Variants in CCDC197 observed in about 807,000 individuals in gnomAD.
CCDC197 encodes the protein uncharacterized protein CCDC197.
A neutral mutation model predicts 13.4 loss-of-function variants in CCDC197; 24 were observed. The ratio of observed to expected loss-of-function variants is 1.80; its 90% confidence interval spans 1.30 to 2.53. CCDC197 has a LOEUF of 2.53. CCDC197 is among the 30% of genes most tolerant of loss of function. CCDC197 has a pLI of 0.00. For synonymous variants in CCDC197, 99 were observed against 55.5 expected, an observed-to-expected ratio of 1.78 and a Z score of -3.48; for missense variants, 255 against 148.8, an observed-to-expected ratio of 1.71 and a Z score of -3.71.
chr14:93,995,453 T>G (rs1595348686), upstream of CCDC197, among the ~76,000 whole-genome samples: 3 of 152,306 alleles, frequency 2.0e-5, no homozygotes, highest in African/African-American at 7.2e-5. Flanking sequence ...CAGTTGTCCC[T>G]GAGCCTCCTC....
chr14:94,002,264 C>A (rs1276441032), intron 4 of CCDC197, among the ~76,000 whole-genome samples: 1 of 151,990 alleles, frequency 6.6e-6, no homozygotes, highest in African/African-American at 2.4e-5. Flanking sequence ...CTCTCGCCCC[C>A]TCTCTCTCTT....
chr14:94,010,794 C>T (rs1392835307), downstream of CCDC197, among the ~76,000 whole-genome samples: 1 of 152,172 alleles, frequency 6.6e-6, no homozygotes, highest in African/African-American at 2.4e-5. Flanking sequence ...GGGAGCCTCA[C>T]ACACTCATGC....
In CCDC197 at chr14:93,998,059, C is replaced by A; in HGVS notation, c.-73C>A. 1.3e-6 allele frequency: 1 copy of A among 765,834 alleles called. No homozygotes were observed. Among genetic ancestry groups the A allele is most frequent in the Non-Finnish European group, 2.4e-6 (1 of 410,794 alleles). 47.4% of individuals were successfully genotyped at this position (765,834 alleles called of 1,614,324 possible). The stretch of plus-strand genomic sequence containing the variant: ...GAGGAAGCTGCGGCTGTGACTGTCC[C>A]TTTTCGGTCTGTCTTCATCCTGCCT... On this transcript the variant is annotated 5_prime_UTR_variant, in exon 2 of 7. Transcript: ENST00000636493.
chr14:93,992,165 T>C (rs1342124374), intron 1 of CCDC197, among the ~76,000 whole-genome samples: 2 of 152,146 alleles, frequency 1.3e-5, no homozygotes, highest in Non-Finnish European at 2.9e-5. Context: ...GGCAGGGAAA[T>C]GCGGAGATCT....
At chr14:94,010,579 A>G (rs2180087), downstream of CCDC197, among the ~76,000 whole-genome samples, 13,349 of 152,278 alleles carry the variant, frequency 0.088, 593 homozygotes, top group Middle Eastern at 0.17. Context: ...CCTTCACAGG[A>G]AAGAGGGCAC....
upstream of CCDC197, among the ~76,000 whole-genome samples, chr14:93,993,937 G>A (rs573791210): frequency 1.3e-5 from 2 of 152,260 alleles, no homozygotes; most frequent in East Asian, 3.9e-4. Flanking sequence ...TCTCTGCCTT[G>A]ATCATTTCTT....
chr14:94,003,328 GAC>G lies in CCDC197; in HGVS notation c.481_482del (p.Thr161GlnfsTer5), dbSNP rs760872939. 6 of 589,924 alleles carry G rather than the reference GAC, an allele frequency of 1.0e-5. No individual in the cohort carries two copies. The highest frequency in any genetic ancestry group is 2.0e-5 in the Non-Finnish European group (6 of 298,484). 36.5% of individuals were successfully genotyped at this position (589,924 alleles called of 1,614,324 possible). ...SITYQKDIDF[D>X]THTSSSYNDQ... ...CACTTACCAGAAGGACATTGACTTT[GAC>G]ACACACACCAGCAGCAGCTATAATG... On this transcript the variant is annotated frameshift_variant, in exon 5 of 7. Coordinates refer to ENST00000636493, the MANE Select transcript of CCDC197 (RefSeq NM_001351596.2). LOFTEE classifies it high-confidence loss of function. This position sits in a 1 kb window ranked among gnomAD's most constrained non-coding sequence, Gnocchi z 5.0.
At chr14:94,008,113 AT>A (rs35630600) in intron 6 of CCDC197, among the ~76,000 whole-genome samples, 22,549 of 152,214 alleles carry the variant, frequency 0.15, 2,099 homozygotes, top group African/African-American at 0.27. Flanking sequence ...AAGGGAAGAA[AT>A]TATGTGGTGA....
upstream of CCDC197, among the ~76,000 whole-genome samples, chr14:93,995,525 G>A (rs150954946): frequency 4.6e-3 from 695 of 152,240 alleles, 4 homozygotes; most frequent in Middle Eastern, 0.01. Context: ...CAGCTGTCCC[G>A]ATTCCTTGGG....
chr14:93,991,673 A>G (rs1317692272), intron 1 of CCDC197, among the ~76,000 whole-genome samples: 1 of 152,204 alleles, frequency 6.6e-6, no homozygotes, highest in Non-Finnish European at 1.5e-5. Context: ...GTGCTAAAAT[A>G]GAGCCACACA....
At chr14:93,995,017 T>C (rs1890256807), upstream of CCDC197, among the ~76,000 whole-genome samples, 1 of 152,184 alleles carries the variant, frequency 6.6e-6, no homozygotes, top group African/African-American at 2.4e-5. Flanking sequence ...GGCCTCAGCT[T>C]TGCCCTCTGT....
At chr14:93,994,542 G>A (rs1398543377), upstream of CCDC197, among the ~76,000 whole-genome samples, 1 of 152,166 alleles carries the variant, frequency 6.6e-6, no homozygotes, top group Non-Finnish European at 1.5e-5. Context: ...TGGGAGAAAC[G>A]GCTCCCAAGG....
upstream of CCDC197, among the ~76,000 whole-genome samples, chr14:93,995,867 G>T (rs1329852660): frequency 6.6e-6 from 1 of 152,130 alleles, no homozygotes; most frequent in East Asian, 1.9e-4. Context: ...CTCTGCTGCT[G>T]GCTGATACCC....
intron 4 of CCDC197, 97 bp downstream of exon 4, chr14:94,001,420 G>T: frequency 1.7e-6 from 1 of 579,836 alleles, no homozygotes; most frequent in South Asian, 2.1e-5. Context: ...GGCCTAGAGG[G>T]AGCAGCGGCG....
intron 5 of CCDC197, among the ~76,000 whole-genome samples, chr14:94,004,598 C>A (rs1172019096): frequency 2.0e-5 from 3 of 152,166 alleles, no homozygotes; most frequent in East Asian, 1.9e-4. Context: ...GGTGTGGACC[C>A]CGATGCCTCC....
intron 1 of CCDC197, among the ~76,000 whole-genome samples, chr14:93,989,662 C>T (rs1391914487): frequency 1.3e-5 from 2 of 152,170 alleles, no homozygotes; most frequent in Non-Finnish European, 2.9e-5. Context: ...GTCCCCAGGG[C>T]CCCCAAGATC....
At chr14:94,011,251 T>C (rs1412507819), downstream of CCDC197, among the ~76,000 whole-genome samples, 2 of 152,206 alleles carry the variant, frequency 1.3e-5, no homozygotes, top group Non-Finnish European at 2.9e-5. Context: ...CTGTGGCTTG[T>C]TGACTGTGCC....
At chr14:94,000,538 C>T (rs1340981181) in intron 3 of CCDC197, among the ~76,000 whole-genome samples, 1 of 152,098 alleles carries the variant, frequency 6.6e-6, no homozygotes, top group Non-Finnish European at 1.5e-5. Context: ...GGGAGGGACA[C>T]AAATGTAGGC....
chr14:93,990,494 T>C (rs1454519761), intron 1 of CCDC197, among the ~76,000 whole-genome samples: 3 of 152,052 alleles, frequency 2.0e-5, no homozygotes, highest in East Asian at 1.9e-4. Context: ...CAGCCTGGAG[T>C]GGACTGAGCC....
Sources: gnomAD v4.1 joint callset for allele counts (sites outside exome capture counted in the v4.1 genomes callset) on GRCh38, gnomAD v4.1.1 for gene constraint, Gnocchi (gnomAD v3.1) non-coding constraint, MANE v1.5 for transcripts, NCBI Gene and HGNC (gene_info 2026-07-23, HGNC 2026-07-21) for gene names.